Variants in ACTR3 observed in about 807,000 individuals in gnomAD.
ACTR3 encodes actin-related protein 3.
Under a neutral mutation model 56.8 loss-of-function variants are expected in ACTR3, and 12 were observed. The observed-to-expected ratio is 0.21, with a 90% CI of 0.14 to 0.34. The LOEUF is 0.34. ACTR3 is among the 10% of genes least tolerant of loss of function. The probability of loss-of-function intolerance (pLI) is 1.00; values close to 1 mark genes in which losing one functional copy is unlikely to be tolerated. For synonymous variants in ACTR3, 162 were observed against 167.4 expected (o/e 0.97, Z 0.25); for missense variants, 282 against 512.5 (o/e 0.55, Z 4.34).
At chr2:113,895,488 G>T (rs1559453163) in intron 1 of ACTR3, among the ~76,000 whole-genome samples, 1 of 150,508 alleles carries the variant, frequency 6.6e-6, no homozygotes, top group Admixed American at 6.6e-5. Flanking sequence ...CTGTGCATCA[G>T]AAACACCCCA....
chr2:113,905,138 A>AT (rs1189421887), intron 1 of ACTR3: 75 of 151,968 alleles, frequency 4.9e-4, no homozygotes, highest in African/African-American at 1.7e-3. Context: ...ACTATATCAC[A>AT]TTTTCTTTTA....
In ACTR3 at chr2:113,903,326, T is replaced by TAATTA. The variant is rs1679135385; in HGVS notation, c.45-9846_45-9845insAATTA. Among the ~76,000 whole-genome samples, 3 of 152,198 alleles carry TAATTA rather than the reference T, an allele frequency of 2.0e-5. No individual in the cohort carries two copies. The South Asian group carries it at 6.2e-4, about 31-fold the overall frequency. ...TGAGCCTCTTAAATCTCTAAATTTC[T>TAATTA]GTCTTTCACTAAATTGGGAAAATTT... On this transcript the variant is annotated intron_variant, in intron 1 of 11. Coordinates refer to ENST00000263238, the MANE Select transcript of ACTR3 (RefSeq NM_005721.5).
At chr2:113,907,189 A>G (rs1487906625) in intron 1 of ACTR3, among the ~76,000 whole-genome samples, 1 of 152,206 alleles carries the variant, frequency 6.6e-6, no homozygotes, top group African/African-American at 2.4e-5. Flanking sequence ...TAGCTGTCCA[A>G]AAGAGAGTTT....
intron 10 of ACTR3, chr2:113,952,160 C>T: frequency 4.4e-6 from 1 of 226,430 alleles, no homozygotes; most frequent in Non-Finnish European, 8.9e-6. Flanking sequence ...ATTATGGATC[C>T]ACAAAATGTT....
chr2:113,892,063 A>T (rs903021752), intron 1 of ACTR3, among the ~76,000 whole-genome samples: 6 of 152,242 alleles, frequency 3.9e-5, no homozygotes, highest in African/African-American at 7.2e-5. Context: ...TTTCAAAAAA[A>T]TAGTGTAAAT....
chr2:113,937,994 G>A (rs1679857751), intron 6 of ACTR3, among the ~76,000 whole-genome samples: 1 of 151,886 alleles, frequency 6.6e-6, no homozygotes, highest in Non-Finnish European at 1.5e-5. Context: ...GCTTCACAGT[G>A]TCTCAAAGAT....
intron 1 of ACTR3, among the ~76,000 whole-genome samples, chr2:113,892,784 A>C (rs1678930422): frequency 6.6e-6 from 1 of 152,186 alleles, no homozygotes. Context: ...AACCTGAATC[A>C]GGTTGCTCAT....
At chr2:113,954,046 T>A (rs1055966552) in intron 10 of ACTR3, 1 of 152,192 alleles carries the variant, frequency 6.6e-6, no homozygotes, top group East Asian at 1.9e-4. Flanking sequence ...ATCCTTCAGC[T>A]TGGGTTTGTT....
chr2:113,938,416 A>G (rs1441192563), intron 6 of ACTR3, among the ~76,000 whole-genome samples: 1 of 149,846 alleles, frequency 6.7e-6, no homozygotes, highest in East Asian at 1.9e-4. Context: ...AGTTCTTTAT[A>G]AGTATTTAGG....
chr2:113,939,883 A>T (rs1034896136), intron 6 of ACTR3, 76 bp from the exon 7 acceptor site: 1 of 1,379,170 alleles, frequency 7.3e-7, no homozygotes, highest in Non-Finnish European at 1.0e-6. Context: ...ATTGGTCTTT[A>T]TTGGTTCATA....
chr2:113,907,712 G>T (rs1679221415), intron 1 of ACTR3, among the ~76,000 whole-genome samples: 1 of 152,022 alleles, frequency 6.6e-6, no homozygotes, highest in African/African-American at 2.4e-5. Context: ...GTGGCTCACA[G>T]CTGTAATCCC....
At chr2:113,945,372 G>C (rs756871140) in intron 8 of ACTR3, among the ~76,000 whole-genome samples, 1 of 152,014 alleles carries the variant, frequency 6.6e-6, no homozygotes, top group African/African-American at 2.4e-5. Context: ...TGATGGTATT[G>C]CAGGAACATG....
chr2:113,958,890 T>C lies in ACTR3; in HGVS notation c.*1435T>C, dbSNP rs1327732970. 1 of 152,040 alleles carries C rather than the reference T, an allele frequency of 6.6e-6. No individual in the cohort carries two copies. Among genetic ancestry groups the C allele is most frequent in the East Asian group, 1.9e-4 (1 of 5,202 alleles). The allele number at this position is 152,040 out of a possible 1,614,324, so 9.4% of individuals were successfully genotyped here. A position where few individuals can be genotyped will look rare whatever the true frequency, so the allele number is the denominator to read the frequency against. On this transcript the variant is annotated 3_prime_UTR_variant, in exon 12 of 12. Transcript: ENST00000263238. Reference sequence around the variant, plus strand: ...GAATATAAAGTGTTTAGTTTTTTGTTTTTACTCTAAAGATAGAATTGGGGA... The same window carrying C: ...GAATATAAAGTGTTTAGTTTTTTGTCTTTACTCTAAAGATAGAATTGGGGA...
At chr2:113,933,582 G>A (rs1679762713) in intron 5 of ACTR3, among the ~76,000 whole-genome samples, 1 of 152,148 alleles carries the variant, frequency 6.6e-6, no homozygotes, top group Admixed American at 6.5e-5. Flanking sequence ...ATAACTGGAG[G>A]TAGGGTGGTT....
At chr2:113,929,360 G>C (rs1308855629) in intron 4 of ACTR3, among the ~76,000 whole-genome samples, 1 of 151,736 alleles carries the variant, frequency 6.6e-6, no homozygotes, top group Non-Finnish European at 1.5e-5. Context: ...GGCTGGTCTT[G>C]AACTCCTGGG....
At chr2:113,934,220 CTTTGTTTTTTTGTTTTTTTTT>C (rs1679781536) in intron 5 of ACTR3, 38 bp from the exon 6 acceptor site, 1 of 1,094,486 alleles carries the variant, frequency 9.1e-7, no homozygotes, top group African/African-American at 1.7e-5. Context: ...TCGATTAACT[CTTTGTTTTTTTGTTTTTTTTT>C]TTTGTTTTTT....
chr2:113,890,597 C>A, intron 1 of ACTR3: 14 of 1,334,014 alleles, frequency 1.0e-5, no homozygotes, highest in Non-Finnish European at 1.3e-5. Flanking sequence ...GCCCTTCCCC[C>A]ACTACGGTGG....
At chr2:113,902,364 C>CTT (rs879472838) in intron 1 of ACTR3, among the ~76,000 whole-genome samples, 2 of 144,086 alleles carry the variant, frequency 1.4e-5, no homozygotes, top group African/African-American at 5.0e-5. Context: ...AGTTGTTTTT[C>CTT]TTTTTTTTTT....
intron 6 of ACTR3, among the ~76,000 whole-genome samples, chr2:113,936,934 C>G (rs1422144845): frequency 6.6e-6 from 1 of 152,090 alleles, no homozygotes; most frequent in Non-Finnish European, 1.5e-5. Context: ...AAGGACACCA[C>G]TTATATTGGA....
Sources: allele counts gnomAD v4.1 joint callset (sites outside exome capture counted in the v4.1 genomes callset), GRCh38; gene constraint gnomAD v4.1.1; transcripts MANE v1.5; gene names NCBI Gene and HGNC (gene_info 2026-07-23, HGNC 2026-07-21).